SDK1: variants seen among roughly 807,000 people sequenced by gnomAD.
The protein encoded by SDK1 is protein sidekick-1.
SDK1 carries 157 observed loss-of-function variants against 245.5 expected under a neutral mutation model. The ratio of observed to expected loss-of-function variants is 0.64; its 90% CI spans 0.56 to 0.73. The LOEUF (loss-of-function observed/expected upper bound fraction) is 0.73, where lower values mean the gene tolerates loss of function less well. Ranked by LOEUF, SDK1 falls within the 30% of genes least tolerant of loss-of-function variation. The pLI is 0.00. For synonymous variants in SDK1, 1,647 were observed against 1,278.5 expected (o/e 1.29, Z -6.15); for missense variants, 3,583 against 3,002.3 (o/e 1.19, Z -4.52).
rs1583209314 is a variant in SDK1, at chr7:4,265,644, A to T, written c.*260A>T. Reference sequence around the variant, plus strand: ...AAGAGAAGGTGTATTTCACTGGTGCAATGGCTTGGCACCTCCGGGGCCTGG... The same window carrying T: ...AAGAGAAGGTGTATTTCACTGGTGCTATGGCTTGGCACCTCCGGGGCCTGG... On this transcript the variant is annotated 3_prime_UTR_variant, in exon 45 of 45. Coordinates refer to ENST00000404826, the MANE Select transcript of SDK1 (RefSeq NM_152744.4). 3 of 1,273,006 alleles carry T rather than the reference A, an allele frequency of 2.4e-6. No homozygotes were observed. The East Asian group carries it at 1.1e-4, about 45-fold the overall frequency. The allele number at this position is 1,273,006 out of a possible 1,614,324, so 78.9% of individuals were successfully genotyped here.
intron 5 of SDK1, among the ~76,000 whole-genome samples, chr7:3,940,876 C>G (rs896216872): frequency 1.3e-5 from 2 of 152,036 alleles, no homozygotes; most frequent in African/African-American, 4.8e-5. Context: ...TGCAGGCCAT[C>G]TCCTGTGCTC....
intron 4 of SDK1, among the ~76,000 whole-genome samples, chr7:3,709,947 C>T (rs1004449664): frequency 1.4e-4 from 22 of 152,144 alleles, no homozygotes; most frequent in Admixed American, 2.6e-4. Context: ...CCAGGTGCCC[C>T]GAGACTTAAA....
At chr7:4,066,258 A>G (rs915586592) in intron 19 of SDK1, among the ~76,000 whole-genome samples, 2 of 151,868 alleles carry the variant, frequency 1.3e-5, no homozygotes, top group Non-Finnish European at 2.9e-5. Flanking sequence ...GCATGGGGGC[A>G]TTGTCAGAGA....
At chr7:4,022,150 T>C (rs1044748165) in intron 17 of SDK1, among the ~76,000 whole-genome samples, 6 of 152,142 alleles carry the variant, frequency 3.9e-5, no homozygotes, top group African/African-American at 1.4e-4. Flanking sequence ...GCCTGTAAAC[T>C]GAAAGGGAAA....
chr7:3,722,520 C>T (rs1778846527), intron 4 of SDK1, among the ~76,000 whole-genome samples: 1 of 152,182 alleles, frequency 6.6e-6, no homozygotes, highest in African/African-American at 2.4e-5. Flanking sequence ...TGCCTTCCCT[C>T]CTCTTCAATC....
At chr7:3,529,109 G>A (rs1783254151) in intron 1 of SDK1, among the ~76,000 whole-genome samples, 1 of 152,118 alleles carries the variant, frequency 6.6e-6, no homozygotes. Context: ...ATGTGGAAAG[G>A]GGAAAGATTA....
chr7:4,032,389 C>T (rs185613960), intron 17 of SDK1, among the ~76,000 whole-genome samples: 2 of 152,068 alleles, frequency 1.3e-5, no homozygotes, highest in Non-Finnish European at 2.9e-5. Flanking sequence ...ATCTGCATTC[C>T]CCATCTACTT....
rs184261877 is a variant in SDK1, at chr7:3,961,479, A to G, written c.1235-1178A>G. 1.6e-3 allele frequency among the ~76,000 whole-genome samples: 251 copies of G among 152,316 alleles called. 1 individual carries two copies. The highest frequency in any genetic ancestry group is 5.9e-3 in the African/African-American group (245 of 41,568). ...GTGCTTTGCACTGAAGCATGTCAAGATATGTTTTTTATTTAAATCCACTTT... is the reference window on the plus strand; with the variant it reads ...GTGCTTTGCACTGAAGCATGTCAAGGTATGTTTTTTATTTAAATCCACTTT... On this transcript the variant is annotated intron_variant, in intron 8 of 44. Transcript: ENST00000404826.
chr7:3,802,472 C>G lies in SDK1; in HGVS notation c.714-18978C>G, dbSNP rs374837776. 1.1e-3 allele frequency among the ~76,000 whole-genome samples: 164 copies of G among 152,086 alleles called. 2 individuals are homozygous for G. The highest frequency in any genetic ancestry group is 3.8e-3 in the African/African-American group (157 of 41,482). ...ATCACTTGAACCAGGGAGGTCAAGGCTGCAGTGAGCCATGATCATGCCGTT... is the reference window on the plus strand; with the variant it reads ...ATCACTTGAACCAGGGAGGTCAAGGGTGCAGTGAGCCATGATCATGCCGTT... On this transcript the variant is annotated intron_variant, in intron 4 of 44. Coordinates refer to ENST00000404826, the MANE Select transcript of SDK1 (RefSeq NM_152744.4).
chr7:3,417,332 C>G (rs1343983259), intron 1 of SDK1, among the ~76,000 whole-genome samples: 2 of 152,190 alleles, frequency 1.3e-5, no homozygotes, highest in Non-Finnish European at 1.5e-5. Flanking sequence ...CAGCCAGTTC[C>G]CCGACTCTTC....
chr7:4,190,636 C>A (rs548864052), intron 35 of SDK1, among the ~76,000 whole-genome samples: 1 of 152,256 alleles, frequency 6.6e-6, no homozygotes, highest in Non-Finnish European at 1.5e-5. Flanking sequence ...GCGCTGCACC[C>A]GGCCCACAGC....
intron 43 of SDK1, 23 bp from the exon 44 acceptor site, chr7:4,245,653 T>A (rs779603350): frequency 3.7e-6 from 6 of 1,611,324 alleles, no homozygotes; most frequent in Non-Finnish European, 3.4e-6. Context: ...AGAGGGTAAT[T>A]GCAGCATGGG....
At position 4,265,225 on chromosome 7, in the gene SDK1, G is replaced by C. The variant is rs1164463741; in HGVS notation, c.6483G>C (p.Gln2161His). The C allele has an allele frequency of 1.1e-5, 18 of 1,609,366 alleles. No homozygotes were observed. Among genetic ancestry groups the C allele is most frequent in the Non-Finnish European group, 1.4e-5 (17 of 1,179,474 alleles). ...ACAACTCATGGAAGCGCAGGGCCCA[G>C]GGCCGCGCACCTGCGCCGCACAGGT... ...TYYNSWKRRA[Q>H]GRAPAPHRYE... The change falls in exon 45 of 45, where the codon CAG becomes CAC. Residue 2161 changes from glutamine (Q) to histidine (H), a missense_variant. By Grantham distance (24) the Gln-to-His change is conservative (BLOSUM62 0). Coordinates refer to ENST00000404826, the MANE Select transcript of SDK1 (RefSeq NM_152744.4).
intron 1 of SDK1, among the ~76,000 whole-genome samples, chr7:3,495,192 C>T (rs1235465789): frequency 6.6e-6 from 1 of 151,796 alleles, no homozygotes; most frequent in Non-Finnish European, 1.5e-5. Context: ...GTCATGAATC[C>T]CTCAGAACTG....
Position 3,445,115 on chromosome 7 carries a change from C to A in SDK1, c.298+143231C>A, listed in dbSNP as rs553878277. Among the ~76,000 whole-genome samples, 5 of 152,192 alleles carry A rather than the reference C, an allele frequency of 3.3e-5. No homozygotes were observed. The East Asian group carries it at 9.7e-4, about 29-fold the overall frequency. ...ATTGTATCTTATAAAATGCCTTACT[C>A]TGTTGAAAAGGCAGATTTATATTAA... On this transcript the variant is annotated intron_variant, in intron 1 of 44. Transcript: ENST00000404826.
At chr7:4,121,915 T>G (rs905682442) in intron 25 of SDK1, among the ~76,000 whole-genome samples, 1 of 152,246 alleles carries the variant, frequency 6.6e-6, no homozygotes, top group Non-Finnish European at 1.5e-5. Flanking sequence ...AAAAAAGTTT[T>G]GGTTCACGTG....
At chr7:3,427,543 A>G (rs2128582957) in intron 1 of SDK1, among the ~76,000 whole-genome samples, 1 of 150,838 alleles carries the variant, frequency 6.6e-6, no homozygotes, top group African/African-American at 2.4e-5. Context: ...AAAAAAAATC[A>G]GAAGAATTGA....
At chr7:3,732,119 A>G (rs1275009709) in intron 4 of SDK1, among the ~76,000 whole-genome samples, 2 of 152,200 alleles carry the variant, frequency 1.3e-5, no homozygotes, top group South Asian at 2.1e-4. Flanking sequence ...GGAAGGGTGA[A>G]TGAAGGAATA....
chr7:4,003,514 G>A (rs990243321), intron 14 of SDK1, among the ~76,000 whole-genome samples: 1 of 152,154 alleles, frequency 6.6e-6, no homozygotes, highest in Non-Finnish European at 1.5e-5. Flanking sequence ...TCCCGTCCAG[G>A]ATCTGTTTTG....
Sources: allele counts gnomAD v4.1 joint callset (sites outside exome capture counted in the v4.1 genomes callset), GRCh38; gene constraint gnomAD v4.1.1; transcripts MANE v1.5; gene names NCBI Gene and HGNC (gene_info 2026-07-23, HGNC 2026-07-21).